HEPACAM2: variants seen among roughly 807,000 people sequenced by gnomAD.
HEPACAM2 encodes the protein mitotic kinetics regulator.
In HEPACAM2, 49 loss-of-function variants were observed where a neutral mutation model predicts 49.6. That is an observed-to-expected ratio of 0.99 (90% CI 0.78 to 1.25). The LOEUF (loss-of-function observed/expected upper bound fraction) is 1.25. Among genes scored for constraint, HEPACAM2 ranks in the 50% most tolerant of loss-of-function variants. HEPACAM2 has a pLI of 0.00. For synonymous variants in HEPACAM2, 197 were observed against 202.9 expected (o/e 0.97, Z 0.25); for missense variants, 525 against 557.2 (o/e 0.94, Z 0.58).
chr7:93,219,133 G>T lies in HEPACAM2; in HGVS notation c.398C>A (p.Ser133Tyr). The change falls in exon 2 of 10, where the codon TCT becomes TAT. Residue 133 changes from serine (S) to tyrosine (Y), a missense_variant. Physicochemically the swap from Ser to Tyr is moderately radical, Grantham distance 144 (BLOSUM62 -2). Coordinates refer to ENST00000394468, the MANE Select transcript of HEPACAM2 (RefSeq NM_001039372.4). Reference sequence around the variant, plus strand: ...CGTGACTTGTATCTTCTGACTGGCAGATAGAGTTCCATTTCCCTGAATGTT... The same window carrying T: ...CGTGACTTGTATCTTCTGACTGGCATATAGAGTTCCATTTCCCTGAATGTT... Reference protein sequence around the residue: ...KVNIQGNGTLSASQKIQVTVD... With the variant: ...KVNIQGNGTLYASQKIQVTVD... 6.2e-7 allele frequency: 1 copy of T among 1,613,910 alleles called. No individual in the cohort carries two copies. Among genetic ancestry groups the T allele is most frequent in the Non-Finnish European group, 8.5e-7 (1 of 1,179,874 alleles).
chr7:93,215,682 G>C lies in HEPACAM2; in HGVS notation c.434C>G (p.Pro145Arg). 2 of 1,612,240 alleles carry C rather than the reference G, an allele frequency of 1.2e-6. No homozygotes were observed. The highest frequency in any genetic ancestry group is 1.7e-6 in the Non-Finnish European group (2 of 1,178,798). ...AATCTGCACCACTGGCTTTGTGACA[G>C]GATCTGCAATATTAAGAGAGATATG... is the stretch of plus-strand genomic sequence containing the variant. The part of the protein sequence containing the change: ...SQKIQVTVDD[P>R]VTKPVVQIHP... Residue 145 changes from proline (P) to arginine (R), a missense_variant, in exon 3 of 10, where the codon CCT (proline) becomes CGT (arginine). By Grantham distance (103) the Pro-to-Arg change is moderately radical. Coordinates refer to ENST00000394468, the MANE Select transcript of HEPACAM2 (RefSeq NM_001039372.4).
chr7:93,227,851 C>T (rs1454046812), upstream of HEPACAM2, among the ~76,000 whole-genome samples: 1 of 152,140 alleles, frequency 6.6e-6, no homozygotes, highest in Non-Finnish European at 1.5e-5. Context: ...CTTATTCATT[C>T]ATGGATGTTG....
intron 1 of HEPACAM2, among the ~76,000 whole-genome samples, chr7:93,219,937 T>C (rs1794412612): frequency 6.6e-6 from 1 of 152,228 alleles, no homozygotes; most frequent in Non-Finnish European, 1.5e-5. Context: ...TTTAGCCAAA[T>C]GCTTGCCAAA....
intron 4 of HEPACAM2, among the ~76,000 whole-genome samples, chr7:93,200,894 G>A (rs952418678): frequency 5.9e-5 from 9 of 152,040 alleles, no homozygotes; most frequent in South Asian, 2.1e-4. Context: ...ACACAAGGCC[G>A]GAACTAGCCC....
intron 4 of HEPACAM2, among the ~76,000 whole-genome samples, chr7:93,202,896 C>T (rs894820672): frequency 6.6e-6 from 1 of 151,846 alleles, no homozygotes; most frequent in African/African-American, 2.4e-5. Flanking sequence ...ACATATGTTC[C>T]CTTCTCCTTC....
intron 8 of HEPACAM2, among the ~76,000 whole-genome samples, chr7:93,195,425 C>G (rs531691850): frequency 6.6e-6 from 1 of 152,064 alleles, no homozygotes; most frequent in East Asian, 1.9e-4. Context: ...GGGGTCTTTG[C>G]CCAGGCTGAT....
chr7:93,207,770 C>T (rs1462350558), intron 4 of HEPACAM2, among the ~76,000 whole-genome samples: 1 of 151,692 alleles, frequency 6.6e-6, no homozygotes, highest in Non-Finnish European at 1.5e-5. Flanking sequence ...CTGTATGGTG[C>T]TTCTGGCACT....
chr7:93,200,091 T>TTGTG (rs1413624091), intron 4 of HEPACAM2, among the ~76,000 whole-genome samples: 1 of 152,084 alleles, frequency 6.6e-6, no homozygotes, highest in Non-Finnish European at 1.5e-5. Flanking sequence ...TATTCTGCTG[T>TTGTG]TGTTGTATGT....
rs1428041006 is a variant in HEPACAM2 at position 93,188,904 on chromosome 7, A to G, written c.*363T>C. Reference sequence around the variant, plus strand: ...TCCACATTTGTAGGTGAGACAGGATAGTCTCAGTGTTGATGATAGTGAAAG... The same window carrying G: ...TCCACATTTGTAGGTGAGACAGGATGGTCTCAGTGTTGATGATAGTGAAAG... On this transcript the variant is annotated 3_prime_UTR_variant, in exon 10 of 10. Transcript: ENST00000394468. The G allele has an allele frequency of 2.5e-6, 1 of 397,074 alleles. No individual in the cohort carries two copies. Among genetic ancestry groups the G allele is most frequent in the African/African-American group, 2.1e-5 (1 of 48,514 alleles). The allele number at this position is 397,074 out of a possible 1,614,324, so 24.6% of individuals were successfully genotyped here.
intron 3 of HEPACAM2, among the ~76,000 whole-genome samples, chr7:93,214,481 T>A (rs552307331): frequency 6.6e-6 from 1 of 152,282 alleles, no homozygotes; most frequent in East Asian, 1.9e-4. Flanking sequence ...GATAGGTGTT[T>A]CTCTATGAGA....
intron 4 of HEPACAM2, among the ~76,000 whole-genome samples, chr7:93,203,544 T>C (rs939188509): frequency 2.0e-5 from 3 of 152,152 alleles, no homozygotes; most frequent in Non-Finnish European, 2.9e-5. Flanking sequence ...GTTTATACTA[T>C]TCTTTAGCAC....
chr7:93,227,948 G>A (rs1266553204), upstream of HEPACAM2, among the ~76,000 whole-genome samples: 1 of 152,152 alleles, frequency 6.6e-6, no homozygotes, highest in East Asian at 1.9e-4. Context: ...CCCGTCTTAC[G>A]ATTCTCAGTT....
upstream of HEPACAM2, among the ~76,000 whole-genome samples, chr7:93,229,569 T>C (rs1165723798): frequency 6.6e-6 from 1 of 152,194 alleles, no homozygotes; most frequent in Non-Finnish European, 1.5e-5. Context: ...TATGCCCTTA[T>C]CCTACTTTAC....
chr7:93,227,841 C>G (rs1388532409), upstream of HEPACAM2, among the ~76,000 whole-genome samples: 4 of 152,170 alleles, frequency 2.6e-5, no homozygotes, highest in African/African-American at 9.7e-5. Context: ...AGAGAATAAT[C>G]TTATTCATTC....
chr7:93,225,924 C>A, intron 1 of HEPACAM2: 1 of 1,431,004 alleles, frequency 7.0e-7, no homozygotes, highest in Admixed American at 2.3e-5. Context: ...TAACTTAAAA[C>A]GAAGCAGTAA....
chr7:93,221,030 A>C (rs1794438923), intron 1 of HEPACAM2, among the ~76,000 whole-genome samples: 1 of 152,226 alleles, frequency 6.6e-6, no homozygotes, highest in African/African-American at 2.4e-5. Context: ...GAAACTGTAG[A>C]CAATGAGTAT....
chr7:93,207,909 A>G (rs1794070718), intron 4 of HEPACAM2, among the ~76,000 whole-genome samples: 1 of 152,002 alleles, frequency 6.6e-6, no homozygotes, highest in Non-Finnish European at 1.5e-5. Flanking sequence ...CATACAGGAG[A>G]ATAAAACCAT....
intron 1 of HEPACAM2, among the ~76,000 whole-genome samples, chr7:93,222,523 T>C (rs1794470049): frequency 6.6e-6 from 1 of 152,118 alleles, no homozygotes; most frequent in Non-Finnish European, 1.5e-5. Flanking sequence ...AGCTCTAAAA[T>C]AATGATTTTC....
At chr7:93,194,998 G>A (rs888166632) in intron 8 of HEPACAM2, among the ~76,000 whole-genome samples, 5 of 142,716 alleles carry the variant, frequency 3.5e-5, no homozygotes, top group African/African-American at 1.4e-4. Flanking sequence ...GCACCTTTAG[G>A]GCAATAATAA....
Sources: allele counts gnomAD v4.1 joint callset (sites outside exome capture counted in the v4.1 genomes callset), GRCh38; gene constraint gnomAD v4.1.1; transcripts MANE v1.5; gene names NCBI Gene and HGNC (gene_info 2026-07-23, HGNC 2026-07-21).